The following GON4L variants were observed in gnomAD, a reference collection of about 807,000 sequenced individuals.
The protein encoded by GON4L is GON-4-like protein.
In GON4L, 87 loss-of-function variants were observed where a neutral mutation model predicts 211.8. That is an observed-to-expected ratio of 0.41 (90% CI 0.35 to 0.49). GON4L has a LOEUF of 0.49. Ranked by LOEUF, GON4L falls within the 20% of genes least tolerant of loss-of-function variation. The pLI is 0.15. For synonymous variants in GON4L, 875 were observed against 962.6 expected (o/e 0.91, Z 1.68); for missense variants, 2,155 against 2,659.5 (o/e 0.81, Z 4.17).
intron 2 of GON4L, among the ~76,000 whole-genome samples, chr1:155,842,974 C>T (rs1240140912): frequency 1.3e-5 from 2 of 152,190 alleles, no homozygotes; most frequent in Non-Finnish European, 2.9e-5. Flanking sequence ...TAGCTAGGTA[C>T]ACCTGTCCCG....
intron 12 of GON4L, 90 bp from the exon 13 acceptor site, chr1:155,785,464 C>G: frequency 2.2e-6 from 2 of 889,656 alleles, no homozygotes; most frequent in Non-Finnish European, 3.8e-6. Context: ...ATGTTTTCAA[C>G]AAGGCATGAC....
At chr1:155,796,856 C>T (rs1571775601) in intron 11 of GON4L, among the ~76,000 whole-genome samples, 1 of 151,474 alleles carries the variant, frequency 6.6e-6, no homozygotes, top group East Asian at 1.9e-4. Flanking sequence ...AAAGAGAATA[C>T]CTAAATTTCT....
chr1:155,856,581 G>C (rs1391167186), intron 1 of GON4L, among the ~76,000 whole-genome samples: 1 of 151,948 alleles, frequency 6.6e-6, no homozygotes, highest in African/African-American at 2.4e-5. Context: ...AGACATTAGG[G>C]GAGATTCTCC....
intron 2 of GON4L, among the ~76,000 whole-genome samples, chr1:155,832,199 C>T (rs552051573): frequency 3.3e-5 from 4 of 120,174 alleles, no homozygotes; most frequent in Admixed American, 1.1e-4. Flanking sequence ...CACCTGAGCC[C>T]GGGAGGTGGA....
intron 10 of GON4L, among the ~76,000 whole-genome samples, chr1:155,810,533 C>G (rs1471593839): frequency 1.3e-5 from 2 of 151,096 alleles, no homozygotes; most frequent in Non-Finnish European, 2.9e-5. Flanking sequence ...CAGTGAAACC[C>G]CGTCTCTACC....
Position 155,805,011 on chromosome 1 carries a change from GCC to G in GON4L, c.1581_1582del (p.Ala528ArgfsTer2). The G allele has an allele frequency of 6.2e-7, 1 of 1,613,514 alleles. No homozygotes were observed. The highest frequency in any genetic ancestry group is 8.5e-7 in the Non-Finnish European group (1 of 1,179,550). On this transcript the variant is annotated frameshift_variant, in exon 11 of 32. Coordinates refer to ENST00000368331, the MANE Select transcript of GON4L (RefSeq NM_001282860.2). LOFTEE classifies it high-confidence loss of function. Reference sequence around the variant, plus strand: ...CCACATCTTCCAGTCCTCATCATCTGCCGTATTGGGGTCATACATATCTGGAG... The same window carrying G: ...CCACATCTTCCAGTCCTCATCATCTGGTATTGGGGTCATACATATCTGGAG...
In GON4L at chr1:155,784,471, C is replaced by T. The variant is rs1185993325; in HGVS notation, c.1789-382G>A. On this transcript the variant is annotated intron_variant, in intron 13 of 31. Coordinates refer to ENST00000368331, the MANE Select transcript of GON4L (RefSeq NM_001282860.2). ...CACAATCTGGGCTTACTGCAACCTC[C>T]GCCTCCCAGGTTCAAGCAATTTTCC... 5 of 212,778 alleles carry T rather than the reference C, an allele frequency of 2.3e-5. No individual in the cohort carries two copies. In the Admixed American group the frequency reaches 2.9e-4, roughly 12 times the overall value. The allele number at this position is 212,778 out of a possible 1,614,324, so 13.2% of individuals were successfully genotyped here.
chr1:155,805,384 A>G (rs1667036612), intron 10 of GON4L, among the ~76,000 whole-genome samples: 2 of 152,220 alleles, frequency 1.3e-5, no homozygotes. Flanking sequence ...CACATACCAT[A>G]AAATTTACCC....
chr1:155,851,891 G>A (rs1012365712), intron 2 of GON4L, among the ~76,000 whole-genome samples: 23 of 151,970 alleles, frequency 1.5e-4, no homozygotes, highest in Non-Finnish European at 1.6e-4. Flanking sequence ...TTGGCAGGGC[G>A]TGGTGGCTCA....
rs775913045 is a variant in GON4L at position 155,765,102 on chromosome 1, T to C, written c.4371A>G (p.Pro1457=). The C allele has an allele frequency of 6.2e-7, 1 of 1,614,084 alleles. No homozygotes were observed. ...GPETGGEKNG[P]EEEEEEDFDD... is the part of the protein sequence containing the mutation. ...CAAAGTCCTCTTCTTCCTCTTCTTC[T>C]GGCCCATTCTTCTCTCCTCCAGTTT... is the stretch of plus-strand genomic sequence containing the variant. Residue 1457 remains proline, a synonymous_variant, in exon 21 of 32, where the codon CCA becomes CCG. Coordinates refer to ENST00000368331, the MANE Select transcript of GON4L (RefSeq NM_001282860.2).
rs976332411 is a variant in GON4L at position 155,790,563 on chromosome 1, A to AT, written c.1747+4486dup. 1.1e-4 allele frequency among the ~76,000 whole-genome samples: 16 copies of AT among 150,974 alleles called. No homozygotes were observed. The East Asian group carries it at 1.9e-3, about 18-fold the overall frequency. ...AGTTAGTATTATTTTTTGCTGTTGC[A>AT]TTTTTTTTTCTCAGAATATTTTCAA... is the stretch of plus-strand genomic sequence containing the variant. On this transcript the variant is annotated intron_variant, in intron 12 of 31. Transcript: ENST00000368331.
chr1:155,806,290 C>T, intron 10 of GON4L, among the ~76,000 whole-genome samples: 1 of 151,686 alleles, frequency 6.6e-6, no homozygotes, highest in South Asian at 2.1e-4. Context: ...ATAGTTGGGA[C>T]TACAGGCGTG....
At chr1:155,786,957 T>C (rs1197218157) in intron 12 of GON4L, among the ~76,000 whole-genome samples, 1 of 151,684 alleles carries the variant, frequency 6.6e-6, no homozygotes, top group East Asian at 1.9e-4. Flanking sequence ...AGTCTTGCTC[T>C]GTCGCCCAGG....
intron 13 of GON4L, 34 bp from the exon 14 acceptor site, chr1:155,784,123 G>C (rs753878889): frequency 1.2e-6 from 2 of 1,611,000 alleles, no homozygotes; most frequent in Non-Finnish European, 1.7e-6. Flanking sequence ...TTTTCCTGGG[G>C]AATGGGCCTC....
chr1:155,748,764 G>C (rs1485440250), downstream of GON4L: 1 of 1,613,994 alleles, frequency 6.2e-7, no homozygotes, highest in Non-Finnish European at 8.5e-7. Flanking sequence ...GGTGCTGAGG[G>C]TATAGACAGA....
chr1:155,772,800 T>C (rs963424707), intron 18 of GON4L, among the ~76,000 whole-genome samples: 5 of 152,038 alleles, frequency 3.3e-5, no homozygotes, highest in Non-Finnish European at 7.4e-5. Flanking sequence ...TGCCTTGGCC[T>C]TTCAAAGTGC....
intron 10 of GON4L, among the ~76,000 whole-genome samples, chr1:155,807,703 C>CAAAAAAAA (rs61248477): frequency 0.023 from 1,228 of 52,692 alleles, 225 homozygotes; most frequent in Middle Eastern, 0.053. Context: ...GACTCCGTCT[C>CAAAAAAAA]AAAAAAAAAA....
intron 11 of GON4L, among the ~76,000 whole-genome samples, chr1:155,804,726 G>T (rs1666982018): frequency 6.6e-6 from 1 of 151,234 alleles, no homozygotes; most frequent in South Asian, 2.1e-4. Flanking sequence ...AGGCTGCAAT[G>T]AACCGTGACT....
chr1:155,806,154 ATT>A (rs747278318), intron 10 of GON4L, among the ~76,000 whole-genome samples: 34 of 138,790 alleles, frequency 2.4e-4, no homozygotes, highest in Admixed American at 5.1e-4. Flanking sequence ...TGCTCGGCTA[ATT>A]TTTTTTTTTT....
Sources: allele counts gnomAD v4.1 joint callset (sites outside exome capture counted in the v4.1 genomes callset), GRCh38; gene constraint gnomAD v4.1.1; transcripts MANE v1.5; gene names NCBI Gene and HGNC (gene_info 2026-07-23, HGNC 2026-07-21).